The following GPC5 variants were observed in gnomAD, a reference collection of about 807,000 sequenced individuals.
GPC5 encodes the protein glypican 5, also known as glypican-5.
GPC5 carries 47 observed loss-of-function variants against 53.9 expected under a neutral mutation model. The observed-to-expected ratio is 0.87, with a 90% CI of 0.69 to 1.11. The LOEUF (loss-of-function observed/expected upper bound fraction) is 1.11. Among genes scored for constraint, GPC5 ranks in the 50% most tolerant of loss-of-function variants. GPC5 has a pLI of 0.00. For missense variants in GPC5, 748 were observed against 713.1 expected, an observed-to-expected ratio of 1.05 and a Z score of -0.56; for synonymous variants, 286 against 263.3, an observed-to-expected ratio of 1.09 and a Z score of -0.84.
chr13:92,551,083 G>A (rs1882295391), intron 7 of GPC5, among the ~76,000 whole-genome samples: 2 of 151,820 alleles, frequency 1.3e-5, no homozygotes, highest in Non-Finnish European at 1.5e-5. Flanking sequence ...ATAATTGTGA[G>A]TATTAGTTAT....
chr13:92,349,621 C>T (rs756335738), intron 7 of GPC5, among the ~76,000 whole-genome samples: 9 of 151,744 alleles, frequency 5.9e-5, no homozygotes, highest in Admixed American at 2.0e-4. Context: ...AAATATATAG[C>T]GACAAATTGG....
intron 7 of GPC5, among the ~76,000 whole-genome samples, chr13:92,367,032 C>T (rs564496942): frequency 6.6e-6 from 1 of 152,142 alleles, no homozygotes; most frequent in African/African-American, 2.4e-5. Context: ...TTATTTTATA[C>T]CTATTTCAGA....
intron 7 of GPC5, chr13:92,447,932 T>C (rs921638984): frequency 2.0e-5 from 3 of 152,154 alleles, no homozygotes; most frequent in Non-Finnish European, 4.4e-5. Context: ...TTTCTCCCAA[T>C]TTGTTCGTAA....
chr13:91,632,540 A>G (rs977510221), intron 2 of GPC5, among the ~76,000 whole-genome samples: 1 of 152,154 alleles, frequency 6.6e-6, no homozygotes, highest in Non-Finnish European at 1.5e-5. Flanking sequence ...ACAAAGGAAA[A>G]TATAATGGAA....
intron 7 of GPC5, among the ~76,000 whole-genome samples, chr13:92,338,049 C>G (rs529141986): frequency 6.6e-6 from 1 of 151,756 alleles, no homozygotes; most frequent in African/African-American, 2.4e-5. Flanking sequence ...AAAATAATTG[C>G]AAAAGATACA....
chr13:91,928,593 C>T (rs2139028089), intron 6 of GPC5, among the ~76,000 whole-genome samples: 1 of 152,162 alleles, frequency 6.6e-6, no homozygotes, highest in South Asian at 2.1e-4. Flanking sequence ...CTTAACTGTG[C>T]CCAGGGCTTT....
chr13:91,838,726 G>C (rs769604111), intron 5 of GPC5, among the ~76,000 whole-genome samples: 3 of 152,142 alleles, frequency 2.0e-5, no homozygotes, highest in Non-Finnish European at 4.4e-5. Flanking sequence ...AGGAGGCACT[G>C]TCGTCGCTAT....
At chr13:91,572,315 G>A (rs1252555663) in intron 2 of GPC5, among the ~76,000 whole-genome samples, 2 of 151,556 alleles carry the variant, frequency 1.3e-5, no homozygotes, top group African/African-American at 4.8e-5. Context: ...CTATAAAGTA[G>A]AATAAAATAA....
intron 2 of GPC5, among the ~76,000 whole-genome samples, chr13:91,639,931 A>G (rs752485807): frequency 3.4e-4 from 51 of 152,208 alleles, no homozygotes; most frequent in Non-Finnish European, 6.0e-4. Context: ...AAGGAATTAA[A>G]CCTAAGTCCT....
chr13:92,675,503 A>G (rs1318657042), intron 7 of GPC5, among the ~76,000 whole-genome samples: 3 of 152,108 alleles, frequency 2.0e-5, no homozygotes, highest in Non-Finnish European at 4.4e-5. Context: ...AAATGACCCT[A>G]CAATGATATG....
At chr13:92,293,735 G>A (rs977332244) in intron 7 of GPC5, among the ~76,000 whole-genome samples, 10 of 152,118 alleles carry the variant, frequency 6.6e-5, no homozygotes, top group Admixed American at 2.6e-4. Flanking sequence ...ATGTTGAAGA[G>A]GAGTGGTGAG....
intron 2 of GPC5, among the ~76,000 whole-genome samples, chr13:91,596,393 T>C (rs1461332444): frequency 6.6e-6 from 1 of 152,240 alleles, no homozygotes; most frequent in African/African-American, 2.4e-5. Flanking sequence ...TGGTTAAATA[T>C]ATTGTTAGGT....
At chr13:91,817,217 G>T (rs1361805817) in intron 5 of GPC5, among the ~76,000 whole-genome samples, 2 of 152,010 alleles carry the variant, frequency 1.3e-5, no homozygotes, top group Non-Finnish European at 2.9e-5. Flanking sequence ...ACAGGAATTC[G>T]AATTCTTTTG....
chr13:92,785,048 G>A (rs1016459468), intron 7 of GPC5, among the ~76,000 whole-genome samples: 5 of 152,118 alleles, frequency 3.3e-5, no homozygotes, highest in Admixed American at 6.5e-5. Context: ...AGGCCGAGGC[G>A]TGTGGATCAC....
chr13:92,155,195 TA>T (rs1202438279), intron 7 of GPC5, among the ~76,000 whole-genome samples: 1 of 152,192 alleles, frequency 6.6e-6, no homozygotes, highest in African/African-American at 2.4e-5. Flanking sequence ...CCTTTAGTCT[TA>T]AAAATTAATT....
intron 7 of GPC5, among the ~76,000 whole-genome samples, chr13:92,670,270 C>T (rs961558751): frequency 6.6e-6 from 1 of 152,012 alleles, no homozygotes. Context: ...GCCAAGGAGA[C>T]GAGGCTTGAG....
intron 7 of GPC5, among the ~76,000 whole-genome samples, chr13:92,580,701 G>C (rs1375849299): frequency 1.3e-5 from 2 of 152,052 alleles, no homozygotes; most frequent in Middle Eastern, 3.2e-3. Flanking sequence ...AGTGGCAGAG[G>C]TGACACTCAC....
chr13:91,561,301 G>A (rs2031248115), intron 2 of GPC5, among the ~76,000 whole-genome samples: 1 of 152,050 alleles, frequency 6.6e-6, no homozygotes, highest in Non-Finnish European at 1.5e-5. Context: ...GGTAGGAAGG[G>A]CCAAATGCAA....
intron 7 of GPC5, among the ~76,000 whole-genome samples, chr13:92,540,371 T>C (rs527328956): frequency 4.6e-5 from 7 of 152,040 alleles, no homozygotes; most frequent in African/African-American, 1.7e-4. Flanking sequence ...ACGATAATAG[T>C]GGTCCTATAG....
Sources: allele counts gnomAD v4.1 joint callset (sites outside exome capture counted in the v4.1 genomes callset), GRCh38; gene constraint gnomAD v4.1.1; transcripts MANE v1.5; gene names NCBI Gene and HGNC (gene_info 2026-07-23, HGNC 2026-07-21).